The following UBTD1 variants were observed in gnomAD, a reference collection of about 807,000 sequenced individuals.
UBTD1 encodes ubiquitin domain containing 1.
In UBTD1, 19 loss-of-function variants were observed where a neutral mutation model predicts 21.7. The observed-to-expected ratio is 0.87, with a 90% CI of 0.61 to 1.28. The LOEUF is 1.28. Ranked by LOEUF, UBTD1 falls within the 50% of genes most tolerant of loss-of-function variation. The pLI is 0.00. For synonymous variants in UBTD1, 116 were observed against 135.1 expected (o/e 0.86, Z 0.98); for missense variants, 282 against 315.1 (o/e 0.89, Z 0.80).
intron 1 of UBTD1, among the ~76,000 whole-genome samples, chr10:97,558,723 T>G (rs1246376664): frequency 1.3e-5 from 2 of 152,206 alleles, no homozygotes; most frequent in Non-Finnish European, 2.9e-5. Flanking sequence ...TTTTATTGAC[T>G]GTCATTTACC....
At chr10:97,549,957 C>T (rs1395434000) in intron 1 of UBTD1, among the ~76,000 whole-genome samples, 3 of 152,250 alleles carry the variant, frequency 2.0e-5, no homozygotes, top group Admixed American at 6.5e-5. Flanking sequence ...CTTCTGGGCC[C>T]TGTGTTCTTC....
rs575993764 is a variant in UBTD1 at position 97,516,602 on chromosome 10, C to T, written c.70+17329C>T. ...CATCCTGGCTAACGTGGTGAAACCCCGTCTCTACTAAAAATATAAAAAATT... is the reference window on the plus strand; with the variant it reads ...CATCCTGGCTAACGTGGTGAAACCCTGTCTCTACTAAAAATATAAAAAATT... On this transcript the variant is annotated intron_variant, in intron 1 of 2. Coordinates refer to ENST00000370664, the MANE Select transcript of UBTD1 (RefSeq NM_024954.5). 2.9e-3 allele frequency among the ~76,000 whole-genome samples: 447 copies of T among 151,592 alleles called. 1 individual carries two copies. The highest frequency in any genetic ancestry group is 5.0e-3 in the Admixed American group (76 of 15,224).
At chr10:97,533,231 T>C (rs556315576) in intron 1 of UBTD1, among the ~76,000 whole-genome samples, 1 of 152,342 alleles carries the variant, frequency 6.6e-6, no homozygotes, top group South Asian at 2.1e-4. Flanking sequence ...CCTGACCCTT[T>C]GGTGACTGTG....
chr10:97,506,816 T>C (rs978834477), intron 1 of UBTD1, among the ~76,000 whole-genome samples: 4 of 152,258 alleles, frequency 2.6e-5, no homozygotes, highest in African/African-American at 7.2e-5. Context: ...CAAGGTTCCA[T>C]GGTGTAGCAT....
chr10:97,567,431 C>T (rs1382920256), intron 1 of UBTD1, among the ~76,000 whole-genome samples: 1 of 147,818 alleles, frequency 6.8e-6, no homozygotes, highest in African/African-American at 2.5e-5. Flanking sequence ...GAGGCTGAGG[C>T]GGGTGGATCA....
At chr10:97,558,415 A>G (rs2040675363) in intron 1 of UBTD1, among the ~76,000 whole-genome samples, 1 of 152,178 alleles carries the variant, frequency 6.6e-6, no homozygotes, top group Admixed American at 6.5e-5. Context: ...CTTAAGAGTT[A>G]GCTTATCTGC....
rs1250915148 is a variant in UBTD1 at position 97,499,372 on chromosome 10, G to C, written c.70+99G>C. 1.7e-5 allele frequency: 23 copies of C among 1,380,454 alleles called. No homozygotes were observed. In the South Asian group the frequency reaches 2.5e-4, roughly 15 times the overall value. 85.5% of individuals were successfully genotyped at this position (1,380,454 alleles called of 1,614,324 possible). On this transcript the variant is annotated intron_variant, in intron 1 of 2. Transcript: ENST00000370664. Reference sequence around the variant, plus strand: ...ACCGATGGACTCCCCACTGGTGCTGGCGCTTGGGTTTCCCCGATGGGCTGC... The same window carrying C: ...ACCGATGGACTCCCCACTGGTGCTGCCGCTTGGGTTTCCCCGATGGGCTGC...
At chr10:97,522,335 T>C (rs2040470156) in intron 1 of UBTD1, among the ~76,000 whole-genome samples, 1 of 152,262 alleles carries the variant, frequency 6.6e-6, no homozygotes, top group East Asian at 1.9e-4. Flanking sequence ...CCCTGTCTCA[T>C]TGCCCACACC....
chr10:97,543,233 C>T (rs1273168501), intron 1 of UBTD1, among the ~76,000 whole-genome samples: 2 of 152,222 alleles, frequency 1.3e-5, no homozygotes, highest in Admixed American at 6.5e-5. Flanking sequence ...AGTCCTGCAT[C>T]CTGACCAGGC....
intron 1 of UBTD1, among the ~76,000 whole-genome samples, chr10:97,540,954 G>A (rs1347664704): frequency 2.6e-5 from 4 of 152,184 alleles, no homozygotes; most frequent in African/African-American, 4.8e-5. Flanking sequence ...TGGAGGCAGC[G>A]CTGCTTCTCT....
At chr10:97,518,134 G>A (rs1012144772) in intron 1 of UBTD1, among the ~76,000 whole-genome samples, 1 of 152,176 alleles carries the variant, frequency 6.6e-6, no homozygotes, top group Non-Finnish European at 1.5e-5. Flanking sequence ...CTGTTTTGCT[G>A]CTGGCCTAGG....
At chr10:97,522,346 A>G (rs1426174789) in intron 1 of UBTD1, among the ~76,000 whole-genome samples, 3 of 152,168 alleles carry the variant, frequency 2.0e-5, no homozygotes, top group East Asian at 3.9e-4. Context: ...TGCCCACACC[A>G]TGGCCTTGTG....
chr10:97,526,892 C>T (rs1302006262), intron 1 of UBTD1, among the ~76,000 whole-genome samples: 2 of 149,252 alleles, frequency 1.3e-5, no homozygotes, highest in African/African-American at 4.9e-5. Flanking sequence ...CTCTCTTAGG[C>T]CGAGCGTGGT....
intron 1 of UBTD1, among the ~76,000 whole-genome samples, chr10:97,554,378 C>G (rs1314201884): frequency 6.6e-6 from 1 of 150,980 alleles, no homozygotes; most frequent in Admixed American, 6.6e-5. Context: ...TCCATAATAG[C>G]TGGGATTACA....
intron 1 of UBTD1, among the ~76,000 whole-genome samples, chr10:97,552,304 G>T (rs1166092985): frequency 2.0e-5 from 3 of 151,828 alleles, no homozygotes; most frequent in Non-Finnish European, 2.9e-5. Flanking sequence ...AGCCCAGGAG[G>T]TTGAGGCTGC....
chr10:97,570,698 A>G lies in UBTD1; in HGVS notation c.*175A>G, dbSNP rs2040744047. ...TACGCGCCACCAGTTCCCGGTACCC[A>G]GGGAGCAGGCAGCCACACACGGGCC... On this transcript the variant is annotated 3_prime_UTR_variant, in exon 3 of 3. Transcript: ENST00000370664. The surrounding 1 kb of genome is among the most constrained non-coding windows in gnomAD (Gnocchi z 6.6). 2 of 759,642 alleles carry G rather than the reference A, an allele frequency of 2.6e-6. No individual in the cohort carries two copies. Among genetic ancestry groups the G allele is most frequent in the African/African-American group, 1.8e-5 (1 of 57,036 alleles). 47.1% of individuals were successfully genotyped at this position (759,642 alleles called of 1,614,324 possible). A position where few individuals can be genotyped will look rare whatever the true frequency, so the allele number is the denominator to read the frequency against.
intron 1 of UBTD1, among the ~76,000 whole-genome samples, chr10:97,550,136 G>A (rs746395228): frequency 6.6e-6 from 1 of 152,148 alleles, no homozygotes. Context: ...GCCTTCTCCC[G>A]TCTGGTGTGA....
At chr10:97,542,994 A>T (rs1311651867) in intron 1 of UBTD1, among the ~76,000 whole-genome samples, 1 of 152,256 alleles carries the variant, frequency 6.6e-6, no homozygotes, top group Non-Finnish European at 1.5e-5. Flanking sequence ...TGCTGCTCCC[A>T]AACTCCAGAG....
chr10:97,525,375 A>C (rs11189259), intron 1 of UBTD1, among the ~76,000 whole-genome samples: 2 of 152,048 alleles, frequency 1.3e-5, no homozygotes, highest in Non-Finnish European at 2.9e-5. Flanking sequence ...GGAAAATGGA[A>C]TGAAGTGCTG....
Sources: allele counts gnomAD v4.1 joint callset (sites outside exome capture counted in the v4.1 genomes callset), GRCh38; gene constraint gnomAD v4.1.1; non-coding constraint Gnocchi (gnomAD v3.1); transcripts MANE v1.5; gene names NCBI Gene and HGNC (gene_info 2026-07-23, HGNC 2026-07-21).